Variants in PPARGC1A observed in about 807,000 individuals in gnomAD.
PPARGC1A encodes peroxisome proliferator-activated receptor gamma coactivator 1-alpha.
PPARGC1A carries 25 observed loss-of-function variants against 88.7 expected under a neutral mutation model. The ratio of observed to expected loss-of-function variants is 0.28; its 90% confidence interval spans 0.21 to 0.39. PPARGC1A has a LOEUF of 0.39. Ranked by LOEUF, PPARGC1A falls within the 10% of genes least tolerant of loss-of-function variation. The probability of loss-of-function intolerance (pLI) is 1.00; values close to 1 mark genes in which losing one functional copy is unlikely to be tolerated. For synonymous variants in PPARGC1A, 363 were observed against 355.6 expected (o/e 1.02, Z -0.24); for missense variants, 880 against 968.7 (o/e 0.91, Z 1.22).
chr4:23,841,059 A>T (rs1465124482), intron 2 of PPARGC1A, among the ~76,000 whole-genome samples: 2 of 152,162 alleles, frequency 1.3e-5, no homozygotes, highest in African/African-American at 4.8e-5. Context: ...ATCTTTTGTA[A>T]AAGAGGAAGT....
Position 23,831,628 on chromosome 4 carries a change from C to T in PPARGC1A, c.358G>A (p.Asp120Asn). ...DALTDGDVTT[D>N]NEASPSSMPD... ...ATGGAGGAAGGACTAGCCTCATTGT[C>T]AGTGGTCACGTCTCCATCTGTCAGC... The change falls in exon 3 of 13, where the codon GAC becomes AAC. Residue 120 changes from aspartate (D) to asparagine (N), a missense_variant. By Grantham distance (23) the Asp-to-Asn change is conservative. Coordinates refer to ENST00000264867, the MANE Select transcript of PPARGC1A (RefSeq NM_013261.5). 1 of 1,614,160 alleles carries T rather than the reference C, an allele frequency of 6.2e-7. No homozygotes were observed. Among genetic ancestry groups the T allele is most frequent in the Non-Finnish European group, 8.5e-7 (1 of 1,180,022 alleles).
chr4:24,187,538 T>C, the PPARGC1A span, among the ~76,000 whole-genome samples: 3 of 152,214 alleles, frequency 2.0e-5, no homozygotes, highest in Non-Finnish European at 4.4e-5. Flanking sequence ...TAACTTAACC[T>C]GGCTTAGGTA....
the PPARGC1A span, among the ~76,000 whole-genome samples, chr4:24,144,439 G>A: frequency 6.6e-6 from 1 of 152,068 alleles, no homozygotes; most frequent in East Asian, 1.9e-4. Flanking sequence ...AGCTTCCCAG[G>A]AGAAGCGATG....
chr4:24,193,538 C>T, the PPARGC1A span, among the ~76,000 whole-genome samples: 15,345 of 152,128 alleles, frequency 0.1, 1,188 homozygotes, highest in African/African-American at 0.22. Flanking sequence ...TCATCAGGAT[C>T]TGAAAATCTG....
chr4:24,031,127 T>A, the PPARGC1A span, among the ~76,000 whole-genome samples: 3 of 152,060 alleles, frequency 2.0e-5, no homozygotes, highest in Non-Finnish European at 2.9e-5. Flanking sequence ...CTTTACTATG[T>A]CCCTGGCAAC....
At chr4:23,981,920 G>A in the PPARGC1A span, among the ~76,000 whole-genome samples, 3 of 152,048 alleles carry the variant, frequency 2.0e-5, no homozygotes, top group South Asian at 6.2e-4. Flanking sequence ...TAACTGAATC[G>A]AAGAAAAGAA....
the PPARGC1A span, among the ~76,000 whole-genome samples, chr4:24,241,597 G>A: frequency 6.6e-6 from 1 of 152,176 alleles, no homozygotes; most frequent in African/African-American, 2.4e-5. Flanking sequence ...CCATTAAAAT[G>A]CATCTGCAGG....
At chr4:24,009,150 A>AAAAAAAAAG in the PPARGC1A span, among the ~76,000 whole-genome samples, 660 of 79,766 alleles carry the variant, frequency 8.3e-3, 37 homozygotes, top group African/African-American at 0.036. Flanking sequence ...AAAAAAAAAA[A>AAAAAAAAAG]AGAGAGAGAA....
the PPARGC1A span, among the ~76,000 whole-genome samples, chr4:24,013,770 G>T: frequency 6.6e-6 from 1 of 152,158 alleles, no homozygotes; most frequent in African/African-American, 2.4e-5. Context: ...TCCCATGCCT[G>T]GACGTTTAGT....
chr4:24,429,647 G>A, the PPARGC1A span, among the ~76,000 whole-genome samples: 1 of 144,820 alleles, frequency 6.9e-6, no homozygotes, highest in Non-Finnish European at 1.5e-5. Flanking sequence ...CAGGGACAGT[G>A]AGAATTTTTT....
chr4:23,930,216 C>G, the PPARGC1A span, among the ~76,000 whole-genome samples: 2 of 152,188 alleles, frequency 1.3e-5, no homozygotes, highest in Non-Finnish European at 2.9e-5. Flanking sequence ...TGGCTTCAAG[C>G]AGGACAAAAT....
At chr4:24,014,207 G>C in the PPARGC1A span, among the ~76,000 whole-genome samples, 10 of 152,278 alleles carry the variant, frequency 6.6e-5, no homozygotes, top group East Asian at 1.9e-3. Flanking sequence ...TTCACGTACA[G>C]TTGCAAAAGC....
At chr4:24,193,838 C>T in the PPARGC1A span, among the ~76,000 whole-genome samples, 4 of 152,068 alleles carry the variant, frequency 2.6e-5, no homozygotes, top group African/African-American at 9.7e-5. Flanking sequence ...CTCAAGAGTA[C>T]ACCAATGGGG....
At chr4:24,389,691 G>T in the PPARGC1A span, among the ~76,000 whole-genome samples, 3 of 152,124 alleles carry the variant, frequency 2.0e-5, no homozygotes, top group Non-Finnish European at 2.9e-5. Flanking sequence ...CATAAATAAG[G>T]ATAGTATTAT....
the PPARGC1A span, among the ~76,000 whole-genome samples, chr4:24,235,924 G>A: frequency 6.6e-6 from 1 of 152,124 alleles, no homozygotes; most frequent in Admixed American, 6.5e-5. Flanking sequence ...TGGAGAAACT[G>A]CAAGTTTTTC....
the PPARGC1A span, among the ~76,000 whole-genome samples, chr4:24,233,122 A>C: frequency 2.1e-5 from 1 of 47,290 alleles, no homozygotes; most frequent in African/African-American, 4.0e-5. Context: ...ATGTGTCTCC[A>C]AAGTGTTTTG....
chr4:24,217,497 G>C, the PPARGC1A span, among the ~76,000 whole-genome samples: 1 of 152,082 alleles, frequency 6.6e-6, no homozygotes, highest in South Asian at 2.1e-4. Flanking sequence ...ACAAGAGAAG[G>C]GGCCTGGTAT....
chr4:23,982,680 C>T, the PPARGC1A span, among the ~76,000 whole-genome samples: 1 of 152,164 alleles, frequency 6.6e-6, no homozygotes, highest in Non-Finnish European at 1.5e-5. Context: ...CTGGCTCTGT[C>T]ACTGATCAGC....
the PPARGC1A span, among the ~76,000 whole-genome samples, chr4:24,058,518 A>T: frequency 6.6e-6 from 1 of 152,156 alleles, no homozygotes; most frequent in South Asian, 2.1e-4. Flanking sequence ...CCCACCACAT[A>T]CCCAGGCAGC....
Sources: allele counts gnomAD v4.1 joint callset (sites outside exome capture counted in the v4.1 genomes callset), GRCh38; gene constraint gnomAD v4.1.1; transcripts MANE v1.5; gene names NCBI Gene and HGNC (gene_info 2026-07-23, HGNC 2026-07-21).